CPNE5: variants seen among roughly 807,000 people sequenced by gnomAD.
CPNE5 encodes copine 5, also known as copine-5.
Under a neutral mutation model 81.1 loss-of-function variants are expected in CPNE5, and 42 were observed. That is an observed-to-expected ratio of 0.52 (90% CI 0.40 to 0.67). The LOEUF (loss-of-function observed/expected upper bound fraction) is 0.67, where lower values mean the gene tolerates loss of function less well. Ranked by LOEUF, CPNE5 falls within the 30% of genes least tolerant of loss-of-function variation. The probability of loss-of-function intolerance (pLI) is 0.00; values close to 1 mark genes in which losing one functional copy is unlikely to be tolerated. For synonymous variants in CPNE5, 313 were observed against 321.5 expected (o/e 0.97, Z 0.28); for missense variants, 612 against 815.5 (o/e 0.75, Z 3.04).
rs748174455 is a variant in CPNE5 at position 36,822,164 on chromosome 6, C to G, written c.137-4G>C. 2 of 1,499,762 alleles carry G rather than the reference C, an allele frequency of 1.3e-6. No homozygotes were observed. The highest frequency in any genetic ancestry group is 1.8e-6 in the Non-Finnish European group (2 of 1,111,704). The allele number at this position is 1,499,762 out of a possible 1,614,324, so 92.9% of individuals were successfully genotyped here. On this transcript the variant is annotated splice_region_variant and splice_polypyrimidine_tract_variant and intron_variant, in intron 2 of 20. Coordinates refer to ENST00000244751, the MANE Select transcript of CPNE5 (RefSeq NM_020939.2). ...CCTTGGGTATACATGACGCACACTGCGGGGGGAGGAGAAACAGTGGATTAA... is the reference window on the plus strand; with the variant it reads ...CCTTGGGTATACATGACGCACACTGGGGGGGGAGGAGAAACAGTGGATTAA...
chr6:36,837,453 A>G (rs1484090690), intron 1 of CPNE5, among the ~76,000 whole-genome samples: 25 of 152,164 alleles, frequency 1.6e-4, no homozygotes, highest in Non-Finnish European at 4.4e-5. Context: ...TAGAGGGTGC[A>G]TGGGTCTGAC....
intron 3 of CPNE5, among the ~76,000 whole-genome samples, chr6:36,802,855 C>G (rs1015373664): frequency 1.1e-4 from 16 of 151,880 alleles, no homozygotes; most frequent in South Asian, 4.2e-4. Flanking sequence ...TTTGAGACCA[C>G]CCTGGCCAAC....
chr6:36,802,821 G>A (rs372580135), intron 3 of CPNE5, among the ~76,000 whole-genome samples: 6 of 152,112 alleles, frequency 3.9e-5, no homozygotes, highest in African/African-American at 7.2e-5. Context: ...AGGCTGAGGC[G>A]GGCGGATCAC....
Position 36,745,078 on chromosome 6 carries a change from G to A in CPNE5, c.1401C>T (p.Asp467=). 1 of 1,614,060 alleles carries A rather than the reference G, an allele frequency of 6.2e-7. No individual in the cohort carries two copies. ...LLIITDGVIS[D]MAQTKEAIVN... The stretch of plus-strand genomic sequence containing the variant: ...CAATGGCCTCCTTGGTCTGCGCCAT[G>A]TCCGAGATGACCCCATCAGTAATGA... Residue 467 remains aspartate (D), a synonymous_variant, in exon 18 of 21, where the codon GAC becomes GAT. Transcript: ENST00000244751.
At chr6:36,801,491 A>T (rs1770094904) in intron 3 of CPNE5, among the ~76,000 whole-genome samples, 1 of 152,208 alleles carries the variant, frequency 6.6e-6, no homozygotes. Flanking sequence ...CAACCATCCC[A>T]TCAAAGCGGC....
intron 1 of CPNE5, among the ~76,000 whole-genome samples, chr6:36,832,150 C>T (rs896541439): frequency 1.3e-5 from 2 of 152,200 alleles, no homozygotes; most frequent in African/African-American, 4.8e-5. Context: ...GAATCAGTCA[C>T]CTAACACTGT....
intron 3 of CPNE5, among the ~76,000 whole-genome samples, chr6:36,821,115 T>C (rs1772009536): frequency 9.2e-6 from 1 of 108,446 alleles, no homozygotes; most frequent in East Asian, 4.1e-4. Context: ...TAGGGAAGCA[T>C]GGAAGGGCTA....
chr6:36,808,830 T>C (rs1250432640), intron 3 of CPNE5, among the ~76,000 whole-genome samples: 1 of 152,188 alleles, frequency 6.6e-6, no homozygotes, highest in Non-Finnish European at 1.5e-5. Flanking sequence ...ATCCCCACTT[T>C]ACAGATAAGT....
chr6:36,745,327 C>A, intron 17 of CPNE5, 61 bp downstream of exon 17: 1 of 1,561,784 alleles, frequency 6.4e-7, no homozygotes, highest in Non-Finnish European at 8.7e-7. Flanking sequence ...CACCCAGAGG[C>A]AGAGCTGGTG....
chr6:36,743,340 G>A (rs975418312), intron 20 of CPNE5: 3 of 662,502 alleles, frequency 4.5e-6, no homozygotes, highest in Non-Finnish European at 5.6e-6. Context: ...GAAGGCTGCA[G>A]CAACACTAAA....
intron 15 of CPNE5, among the ~76,000 whole-genome samples, chr6:36,747,736 C>G (rs890461654): frequency 6.6e-6 from 1 of 152,246 alleles, no homozygotes; most frequent in African/African-American, 2.4e-5. Context: ...AGTGACTCAG[C>G]CACAGGCTGA....
chr6:36,806,403 G>A (rs1770595266), intron 3 of CPNE5, among the ~76,000 whole-genome samples: 1 of 152,114 alleles, frequency 6.6e-6, no homozygotes. Flanking sequence ...GGTTCTGGGA[G>A]AGGCTGCTTC....
In CPNE5 at chr6:36,743,702, C is replaced by T. The variant is rs1763788500; in HGVS notation, c.1550G>A (p.Arg517His). The change falls in exon 20 of 21, where the codon CGC becomes CAC. Residue 517 changes from arginine (R) to histidine (H), a missense_variant. Physicochemically the swap from Arg to His is conservative, Grantham distance 29 (BLOSUM62 0). Coordinates refer to ENST00000244751, the MANE Select transcript of CPNE5 (RefSeq NM_020939.2). Reference protein sequence around the residue: ...RISSRGKLAERDIVQFVPFRD... With the variant: ...RISSRGKLAEHDIVQFVPFRD... ...CCTGGGCTTCACCTGGACGATGTCG[C>T]GTTCAGCCAGCTTCCCCCGGGAGGA... is the stretch of plus-strand genomic sequence containing the variant. The T allele has an allele frequency of 2.5e-6, 4 of 1,613,514 alleles. No homozygotes were observed. The highest frequency in any genetic ancestry group is 3.4e-6 in the Non-Finnish European group (4 of 1,179,948).
chr6:36,795,377 C>T (rs976518267), intron 6 of CPNE5, among the ~76,000 whole-genome samples: 1 of 152,122 alleles, frequency 6.6e-6, no homozygotes, highest in Admixed American at 6.5e-5. Context: ...CGAGGTTTCA[C>T]CATGTTGGCC....
chr6:36,746,513 C>T lies in CPNE5; in HGVS notation c.1083G>A (p.Leu361=), dbSNP rs750358539. The change falls in exon 16 of 21, where the codon CTG becomes CTA. Residue 361 remains leucine (L), a synonymous_variant. Transcript: ENST00000244751. This position sits in a 1 kb window ranked among gnomAD's most constrained non-coding sequence, Gnocchi z 4.5. ...TGATCTCTCCGACGGCAGTCAGCGCCAGCGCGTAGGCGTTCAGCTGGTAGG... is the reference window on the plus strand; with the variant it reads ...TGATCTCTCCGACGGCAGTCAGCGCTAGCGCGTAGGCGTTCAGCTGGTAGG... ...MSPYQLNAYA[L]ALTAVGEIIQ... The T allele has an allele frequency of 1.2e-6, 2 of 1,613,804 alleles. No individual in the cohort carries two copies. The highest frequency in any genetic ancestry group is 1.3e-5 in the African/African-American group (1 of 75,030).
chr6:36,771,985 G>A (rs1002334060), intron 10 of CPNE5, among the ~76,000 whole-genome samples: 9 of 152,100 alleles, frequency 5.9e-5, no homozygotes, highest in African/African-American at 2.2e-4. Flanking sequence ...CTGCCTCAGA[G>A]TGGGAGGTGG....
At chr6:36,762,599 C>T (rs893257273) in intron 12 of CPNE5, among the ~76,000 whole-genome samples, 12 of 152,196 alleles carry the variant, frequency 7.9e-5, no homozygotes, top group South Asian at 4.1e-4. Flanking sequence ...CCAGAACCTT[C>T]GTATACTGGC....
chr6:36,836,639 G>C (rs573537638), intron 1 of CPNE5, among the ~76,000 whole-genome samples: 1 of 152,292 alleles, frequency 6.6e-6, no homozygotes, highest in South Asian at 2.1e-4. Context: ...GAGAGCGGGT[G>C]CAGTGGGGAG....
At chr6:36,781,686 C>T (rs1236989159) in intron 8 of CPNE5, among the ~76,000 whole-genome samples, 1 of 152,160 alleles carries the variant, frequency 6.6e-6, no homozygotes, top group Non-Finnish European at 1.5e-5. Flanking sequence ...ATGGGCTACT[C>T]GCTGGCTGTA....
Sources: allele counts gnomAD v4.1 joint callset (sites outside exome capture counted in the v4.1 genomes callset), GRCh38; gene constraint gnomAD v4.1.1; non-coding constraint Gnocchi (gnomAD v3.1); transcripts MANE v1.5; gene names NCBI Gene and HGNC (gene_info 2026-07-23, HGNC 2026-07-21).